The following RYR2 variants were observed in gnomAD, a reference collection of about 807,000 sequenced individuals.
RYR2 encodes ryanodine receptor 2.
A neutral mutation model predicts 601.1 loss-of-function variants in RYR2; 227 were observed. That is an observed-to-expected ratio of 0.38 (90% CI 0.34 to 0.42). RYR2 has a LOEUF of 0.42. Among genes scored for constraint, RYR2 ranks in the 10% least tolerant of loss-of-function variants. RYR2 has a pLI of 1.00. For missense variants in RYR2, 4,646 were observed against 6,156.5 expected, an observed-to-expected ratio of 0.75 and a Z score of 8.21; for synonymous variants, 2,223 against 2,175.1, an observed-to-expected ratio of 1.02 and a Z score of -0.61.
At chr1:237,042,858 C>T (rs911698112) in intron 1 of RYR2, among the ~76,000 whole-genome samples, 5 of 152,084 alleles carry the variant, frequency 3.3e-5, no homozygotes, top group Admixed American at 1.3e-4. Context: ...GGGACAGGAG[C>T]GTCGGAGCTG....
intron 32 of RYR2, among the ~76,000 whole-genome samples, chr1:237,593,028 A>G (rs911186739): frequency 1.3e-5 from 2 of 151,932 alleles, no homozygotes; most frequent in African/African-American, 4.8e-5. Flanking sequence ...CTCAAAAAAA[A>G]AAAAAAAAAG....
intron 99 of RYR2, among the ~76,000 whole-genome samples, chr1:237,807,048 C>A (rs1044641951): frequency 2.3e-4 from 35 of 152,276 alleles, no homozygotes; most frequent in African/African-American, 8.4e-4. Context: ...AAATAATTGC[C>A]TCTCTAAAAG....
At chr1:237,796,584 T>G (rs1428161046) in intron 96 of RYR2, among the ~76,000 whole-genome samples, 1 of 152,210 alleles carries the variant, frequency 6.6e-6, no homozygotes, top group African/African-American at 2.4e-5. Context: ...TTATATCTGT[T>G]AATCCCTTCT....
At chr1:237,546,482 A>G (rs1201528110) in intron 25 of RYR2, among the ~76,000 whole-genome samples, 2 of 152,100 alleles carry the variant, frequency 1.3e-5, no homozygotes, top group Admixed American at 6.6e-5. Context: ...GATTCAAGCG[A>G]TTCTCATGCC....
intron 79 of RYR2, 44 bp from the exon 80 acceptor site, chr1:237,742,252 T>C: frequency 7.5e-7 from 1 of 1,327,964 alleles, no homozygotes; most frequent in Non-Finnish European, 1.0e-6. Flanking sequence ...TTCTAAAATC[T>C]CAACATATTC....
chr1:237,764,012 C>T (rs1481963928), intron 84 of RYR2, among the ~76,000 whole-genome samples: 3 of 152,200 alleles, frequency 2.0e-5, no homozygotes, highest in African/African-American at 7.2e-5. Context: ...AGAGCATGGG[C>T]TTAGCACTGA....
rs969257742 is a variant in RYR2, at chr1:237,777,160, G to T, written c.11776-1506G>T. 2.7e-4 allele frequency among the ~76,000 whole-genome samples: 41 copies of T among 152,152 alleles called. 1 individual carries two copies. Among genetic ancestry groups the T allele is most frequent in the Admixed American group, 2.7e-3 (41 of 15,268 alleles). On this transcript the variant is annotated intron_variant, in intron 87 of 104. Transcript: ENST00000366574. ...GATGCAGAAGTAACGAAATGGAGAG[G>T]CTCAGCACACGGAGAACCCCCTCCA...
chr1:237,551,561 A>C lies in RYR2; in HGVS notation c.3214+870A>C, dbSNP rs1572842592. On this transcript the variant is annotated intron_variant, in intron 27 of 104. Transcript: ENST00000366574. Reference sequence around the variant, plus strand: ...AAAAAAAAAAAAAAGAATGTAGTTTAGAATGATCCACTCTTTAATCCGTTG... The same window carrying C: ...AAAAAAAAAAAAAAGAATGTAGTTTCGAATGATCCACTCTTTAATCCGTTG... Among the ~76,000 whole-genome samples the C allele has an allele frequency of 2.1e-5, 3 of 144,624 alleles. 1 individual carries two copies. Among genetic ancestry groups the C allele is most frequent in the Middle Eastern group, 3.5e-3 (1 of 288 alleles). 94.9% of individuals were successfully genotyped at this position (144,624 alleles called of 152,430 possible). A position where few individuals can be genotyped will look rare whatever the true frequency, so the allele number is the denominator to read the frequency against.
At chr1:237,786,079 C>A in intron 91 of RYR2, 43 bp downstream of exon 91, 3 of 1,206,222 alleles carry the variant, frequency 2.5e-6, no homozygotes, top group South Asian at 1.3e-5. Flanking sequence ...TTCAGTTTGT[C>A]ATTACATCTC....
chr1:237,662,969 A>G (rs571526616), intron 56 of RYR2, among the ~76,000 whole-genome samples: 71 of 152,278 alleles, frequency 4.7e-4, no homozygotes, highest in African/African-American at 1.6e-3. Context: ...TGTTATGTCA[A>G]TATTTCTGTG....
chr1:237,644,608 A>G (rs1285879780), intron 48 of RYR2, among the ~76,000 whole-genome samples: 2 of 152,258 alleles, frequency 1.3e-5, no homozygotes, highest in African/African-American at 4.8e-5. Context: ...CAACTAAAAT[A>G]AGTGTTAAAT....
chr1:237,161,010 A>G (rs1031587586), intron 1 of RYR2, among the ~76,000 whole-genome samples: 6 of 152,180 alleles, frequency 3.9e-5, no homozygotes, highest in Non-Finnish European at 8.8e-5. Flanking sequence ...GGAATTTAAG[A>G]AATCATATAT....
At position 237,517,965 on chromosome 1, in the gene RYR2, G is replaced by T. The variant is rs78148699; in HGVS notation, c.2822+6174G>T. ...ACCTTCAAATCTCAGGCTCCTTTCA[G>T]TGTCCTTCTCTTGTTGTGTTAAGTG... is the stretch of plus-strand genomic sequence containing the variant. On this transcript the variant is annotated intron_variant, in intron 24 of 104. Coordinates refer to ENST00000366574, the MANE Select transcript of RYR2 (RefSeq NM_001035.3). Among the ~76,000 whole-genome samples the T allele has an allele frequency of 6.8e-3, 1,034 of 152,212 alleles. 7 individuals are homozygous for T. Among genetic ancestry groups the T allele is most frequent in the Admixed American group, 0.014 (214 of 15,286 alleles).
chr1:237,173,216 A>C (rs2148914740), intron 1 of RYR2, among the ~76,000 whole-genome samples: 1 of 152,218 alleles, frequency 6.6e-6, no homozygotes, highest in South Asian at 2.1e-4. Context: ...ACAGGGTTTG[A>C]AATGGCTCTG....
chr1:237,729,205 C>T (rs1690470948), intron 76 of RYR2, among the ~76,000 whole-genome samples: 1 of 152,086 alleles, frequency 6.6e-6, no homozygotes, highest in East Asian at 1.9e-4. Flanking sequence ...AAATGGTATC[C>T]TTTATTCCAG....
chr1:237,289,173 A>T (rs1691925892), intron 2 of RYR2, among the ~76,000 whole-genome samples: 1 of 152,156 alleles, frequency 6.6e-6, no homozygotes, highest in South Asian at 2.1e-4. Flanking sequence ...CGGGTCCTGC[A>T]GGAGCAGTCC....
chr1:237,161,655 A>G (rs180868565), intron 1 of RYR2, among the ~76,000 whole-genome samples: 54 of 152,304 alleles, frequency 3.5e-4, no homozygotes, highest in Middle Eastern at 3.4e-3. Flanking sequence ...AGTGCTTTTC[A>G]TACATTCACC....
At chr1:237,148,533 T>TATATATATATATATACACACACAC (rs1558320038) in intron 1 of RYR2, among the ~76,000 whole-genome samples, 4 of 116,736 alleles carry the variant, frequency 3.4e-5, no homozygotes, top group African/African-American at 1.6e-4. Context: ...AAAAAATATA[T>TATATATATATATATACACACACAC]ATATATATAT....
chr1:237,156,536 G>A (rs906234190), intron 1 of RYR2, among the ~76,000 whole-genome samples: 49 of 152,206 alleles, frequency 3.2e-4, no homozygotes, highest in Non-Finnish European at 4.0e-4. Context: ...TTAATGTCCA[G>A]CTAGTTAATA....
Sources: allele counts gnomAD v4.1 joint callset (sites outside exome capture counted in the v4.1 genomes callset), GRCh38; gene constraint gnomAD v4.1.1; transcripts MANE v1.5; gene names NCBI Gene and HGNC (gene_info 2026-07-23, HGNC 2026-07-21).